The following CCDC178 variants were observed in gnomAD, a reference collection of about 807,000 sequenced individuals.
The protein encoded by CCDC178 is coiled-coil domain-containing protein 178.
Under a neutral mutation model 117.4 loss-of-function variants are expected in CCDC178, and 126 were observed. The ratio of observed to expected loss-of-function variants is 1.07; its 90% CI spans 0.93 to 1.24. The LOEUF (loss-of-function observed/expected upper bound fraction) is 1.24, where lower values mean the gene tolerates loss of function less well. Ranked by LOEUF, CCDC178 falls within the 50% of genes most tolerant of loss-of-function variation. CCDC178 has a pLI of 0.00. For missense variants in CCDC178, 1,030 were observed against 986.9 expected (o/e 1.04, Z -0.59); for synonymous variants, 283 against 313.4 (o/e 0.90, Z 1.02).
intron 20 of CCDC178, among the ~76,000 whole-genome samples, chr18:33,201,182 C>T (rs758663136): frequency 1.3e-5 from 2 of 152,200 alleles, no homozygotes; most frequent in Admixed American, 6.5e-5. Flanking sequence ...TCCTGCATCA[C>T]ACAACATATA....
At chr18:32,946,586 A>G (rs2054354296) in intron 22 of CCDC178, among the ~76,000 whole-genome samples, 1 of 152,244 alleles carries the variant, frequency 6.6e-6, no homozygotes, top group Admixed American at 6.5e-5. Context: ...ATTGTATGCA[A>G]TCATCTTTAT....
chr18:33,384,079 A>G (rs1196688874), intron 5 of CCDC178, among the ~76,000 whole-genome samples: 1 of 152,102 alleles, frequency 6.6e-6, no homozygotes, highest in African/African-American at 2.4e-5. Context: ...GTAAGTATCA[A>G]TAGCTGAATC....
intron 17 of CCDC178, among the ~76,000 whole-genome samples, chr18:33,223,798 G>T (rs1298365991): frequency 6.6e-6 from 1 of 152,082 alleles, no homozygotes; most frequent in Non-Finnish European, 1.5e-5. Context: ...GTAAGGGGGA[G>T]CCATCATTAA....
At chr18:33,367,336 G>A (rs774400176) in intron 6 of CCDC178, among the ~76,000 whole-genome samples, 10 of 152,036 alleles carry the variant, frequency 6.6e-5, no homozygotes, top group South Asian at 2.1e-4. Flanking sequence ...TTTATGTGAC[G>A]TGAGGATTTA....
intron 20 of CCDC178, among the ~76,000 whole-genome samples, chr18:33,144,284 A>G (rs919839111): frequency 6.6e-6 from 1 of 152,096 alleles, no homozygotes; most frequent in Admixed American, 6.5e-5. Context: ...TTTTTTCACT[A>G]GATGTCATTT....
intron 18 of CCDC178, among the ~76,000 whole-genome samples, chr18:33,220,795 C>T (rs943045152): frequency 6.6e-6 from 1 of 151,908 alleles, no homozygotes. Flanking sequence ...AAGATAATAC[C>T]CATGCTGGGA....
chr18:33,329,328 C>CAA (rs1262666053), intron 10 of CCDC178, among the ~76,000 whole-genome samples: 1 of 152,110 alleles, frequency 6.6e-6, no homozygotes, highest in South Asian at 2.1e-4. Flanking sequence ...TGTACAATGT[C>CAA]AAATAGAAGT....
At chr18:33,222,342 C>G (rs2059247032) in intron 18 of CCDC178, among the ~76,000 whole-genome samples, 1 of 146,216 alleles carries the variant, frequency 6.8e-6, no homozygotes, top group Non-Finnish European at 1.5e-5. Flanking sequence ...CCTTCATTTT[C>G]TTTCTTCCTG....
intron 20 of CCDC178, among the ~76,000 whole-genome samples, chr18:33,199,289 T>C (rs970024858): frequency 1.1e-4 from 16 of 152,180 alleles, no homozygotes; most frequent in African/African-American, 3.9e-4. Flanking sequence ...TGAATTTATA[T>C]AGATTAAATA....
chr18:33,316,875 A>G (rs1407152902), intron 11 of CCDC178, among the ~76,000 whole-genome samples: 1 of 151,894 alleles, frequency 6.6e-6, no homozygotes, highest in Non-Finnish European at 1.5e-5. Flanking sequence ...GTTTGTAAAT[A>G]TACCAATCGA....
At chr18:33,157,853 T>C (rs976355146) in intron 20 of CCDC178, among the ~76,000 whole-genome samples, 23 of 152,162 alleles carry the variant, frequency 1.5e-4, no homozygotes, top group African/African-American at 4.8e-4. Context: ...TTGTCACAAA[T>C]GGATTCCCAT....
At chr18:33,392,580 T>C (rs746643517) in intron 4 of CCDC178, among the ~76,000 whole-genome samples, 1 of 152,198 alleles carries the variant, frequency 6.6e-6, no homozygotes, top group African/African-American at 2.4e-5. Flanking sequence ...GTAAGTCAGA[T>C]ACTGACACGA....
chr18:33,250,622 A>T (rs1048222000), intron 14 of CCDC178, among the ~76,000 whole-genome samples: 10 of 151,760 alleles, frequency 6.6e-5, no homozygotes, highest in Non-Finnish European at 1.5e-4. Flanking sequence ...CTGACTATGT[A>T]TTTTCAAAAT....
chr18:33,121,814 A>G (rs1256132945), intron 20 of CCDC178, among the ~76,000 whole-genome samples: 3 of 152,136 alleles, frequency 2.0e-5, no homozygotes, highest in Non-Finnish European at 4.4e-5. Flanking sequence ...ATGCCATGTA[A>G]TGATGTTTAG....
At chr18:33,401,492 G>C (rs2063709244) in intron 3 of CCDC178, among the ~76,000 whole-genome samples, 1 of 152,068 alleles carries the variant, frequency 6.6e-6, no homozygotes, top group South Asian at 2.1e-4. Flanking sequence ...GTGGATAACT[G>C]TATTGTTATA....
chr18:33,268,369 G>A (rs1248966402), intron 12 of CCDC178, among the ~76,000 whole-genome samples: 1 of 151,828 alleles, frequency 6.6e-6, no homozygotes, highest in Non-Finnish European at 1.5e-5. Context: ...CAGTGAGAGA[G>A]AAGTTGTTTA....
At chr18:33,389,665 G>C in intron 4 of CCDC178, 36 bp from the exon 5 acceptor site, 1 of 1,095,442 alleles carries the variant, frequency 9.1e-7, no homozygotes, top group Non-Finnish European at 1.3e-6. Flanking sequence ...TTAGTGAGTA[G>C]TTAATATTAT....
intron 6 of CCDC178, among the ~76,000 whole-genome samples, chr18:33,357,145 A>ATTT (rs2144716422): frequency 6.6e-6 from 1 of 152,134 alleles, no homozygotes; most frequent in East Asian, 1.9e-4. Flanking sequence ...ACCAATGTAT[A>ATTT]ACTTGCATGT....
chr18:33,064,533 C>T (rs1417049944), intron 21 of CCDC178, among the ~76,000 whole-genome samples: 1 of 152,110 alleles, frequency 6.6e-6, no homozygotes, highest in South Asian at 2.1e-4. Context: ...CCCCTCATTC[C>T]AGTTAGAATG....
Sources: gnomAD v4.1 joint callset for allele counts (sites outside exome capture counted in the v4.1 genomes callset) on GRCh38, gnomAD v4.1.1 for gene constraint, MANE v1.5 for transcripts, NCBI Gene and HGNC (gene_info 2026-07-23, HGNC 2026-07-21) for gene names.